HAPLN1: variants seen among roughly 807,000 people sequenced by gnomAD.
HAPLN1 encodes Cartilage link protein.
Under a neutral mutation model 36.5 loss-of-function variants are expected in HAPLN1, and 13 were observed. That is an observed-to-expected ratio of 0.36 (90% CI 0.23 to 0.57). The LOEUF is 0.57. HAPLN1 is among the 20% of genes least tolerant of loss of function. The pLI is 0.83. For synonymous variants in HAPLN1, 202 were observed against 169.8 expected (o/e 1.19, Z -1.48); for missense variants, 407 against 439.7 (o/e 0.93, Z 0.66).
At chr5:83,712,209 T>G (rs565860702) in intron 1 of HAPLN1, among the ~76,000 whole-genome samples, 16 of 152,282 alleles carry the variant, frequency 1.1e-4, no homozygotes, top group African/African-American at 3.1e-4. Flanking sequence ...AAGCACAATA[T>G]AACATGTAAT....
intron 1 of HAPLN1, among the ~76,000 whole-genome samples, chr5:83,720,576 C>T (rs908465368): frequency 6.6e-5 from 10 of 152,212 alleles, no homozygotes; most frequent in Non-Finnish European, 8.8e-5. Context: ...CATTTTTAGA[C>T]TGAGCCTGTT....
intron 3 of HAPLN1, among the ~76,000 whole-genome samples, chr5:83,649,762 A>G (rs12523564): frequency 0.15 from 22,785 of 152,160 alleles, 2,180 homozygotes; most frequent in Non-Finnish European, 0.21. Context: ...TCTCTTTCTT[A>G]AGAATGGTTT....
intron 1 of HAPLN1, among the ~76,000 whole-genome samples, chr5:83,718,153 G>A (rs1201037826): frequency 1.1e-4 from 16 of 152,122 alleles, no homozygotes; most frequent in South Asian, 2.1e-4. Flanking sequence ...TTGTGGAGGC[G>A]GAAAGTTAAT....
intron 1 of HAPLN1, among the ~76,000 whole-genome samples, chr5:83,715,800 G>A (rs1751902391): frequency 6.6e-6 from 1 of 152,122 alleles, no homozygotes. Context: ...GCACACAAGG[G>A]AAAATAATTT....
chr5:83,710,261 A>C (rs2112637749), intron 1 of HAPLN1, among the ~76,000 whole-genome samples: 1 of 152,308 alleles, frequency 6.6e-6, no homozygotes, highest in Admixed American at 6.5e-5. Context: ...AACAGCCAAG[A>C]GGCCGGTAGA....
chr5:83,713,789 C>G (rs1024110403), intron 1 of HAPLN1, among the ~76,000 whole-genome samples: 3 of 152,198 alleles, frequency 2.0e-5, no homozygotes, highest in Non-Finnish European at 4.4e-5. Flanking sequence ...TCAGACTTCT[C>G]GTCCACATCC....
Position 83,709,433 on chromosome 5 carries a change from C to T in HAPLN1, c.-27+11356G>A, listed in dbSNP as rs540645085. 3.3e-5 allele frequency among the ~76,000 whole-genome samples: 5 copies of T among 152,130 alleles called. No individual in the cohort carries two copies. In the South Asian group the frequency reaches 6.2e-4, roughly 19 times the overall value. On this transcript the variant is annotated intron_variant, in intron 1 of 4. Transcript: ENST00000274341. The stretch of plus-strand genomic sequence containing the variant: ...TTCTGTTTTACTATCTTGGCTTTTT[C>T]GGTCATTGAATCCTGTCAGCTAGTA...
At chr5:83,673,670 C>A in intron 1 of HAPLN1, 121 bp from the exon 2 acceptor site, 1 of 642,596 alleles carries the variant, frequency 1.6e-6, no homozygotes, top group South Asian at 1.9e-5. Flanking sequence ...TTAACCCAAT[C>A]TGTTCAGAAA....
At chr5:83,678,015 T>C (rs1750899567) in intron 1 of HAPLN1, among the ~76,000 whole-genome samples, 1 of 152,122 alleles carries the variant, frequency 6.6e-6, no homozygotes, top group Non-Finnish European at 1.5e-5. Flanking sequence ...CAGCCATCAG[T>C]ATTTAGCAGT....
At chr5:83,708,257 C>T (rs952987255) in intron 1 of HAPLN1, among the ~76,000 whole-genome samples, 1 of 152,190 alleles carries the variant, frequency 6.6e-6, no homozygotes, top group African/African-American at 2.4e-5. Flanking sequence ...AAGATACCTG[C>T]ACACGTATAT....
chr5:83,715,702 G>A (rs1344843859), intron 1 of HAPLN1, among the ~76,000 whole-genome samples: 1 of 152,130 alleles, frequency 6.6e-6, no homozygotes, highest in Non-Finnish European at 1.5e-5. Context: ...GTCCTCTTGG[G>A]GTTTTGGAGT....
chr5:83,701,036 A>G (rs1751496942), intron 1 of HAPLN1, among the ~76,000 whole-genome samples: 1 of 152,200 alleles, frequency 6.6e-6, no homozygotes, highest in Non-Finnish European at 1.5e-5. Context: ...GTTTACTTTC[A>G]AGTGATGTTA....
At chr5:83,689,861 A>G (rs764167434) in intron 1 of HAPLN1, among the ~76,000 whole-genome samples, 2 of 152,108 alleles carry the variant, frequency 1.3e-5, no homozygotes, top group Non-Finnish European at 2.9e-5. Context: ...ATAAACTTAA[A>G]ATTTTTTCAT....
intron 1 of HAPLN1, among the ~76,000 whole-genome samples, chr5:83,710,930 G>A (rs981850506): frequency 2.0e-5 from 3 of 151,874 alleles, no homozygotes; most frequent in South Asian, 4.1e-4. Flanking sequence ...CAGCCTGGGC[G>A]ACAGAGAGAG....
chr5:83,673,637 A>G, intron 1 of HAPLN1, 88 bp from the exon 2 acceptor site: 2 of 742,366 alleles, frequency 2.7e-6, no homozygotes, highest in South Asian at 1.6e-5. Flanking sequence ...CCTTATCATC[A>G]TAGAATGGGT....
intron 1 of HAPLN1, among the ~76,000 whole-genome samples, chr5:83,717,420 G>A (rs1163655171): frequency 1.3e-5 from 2 of 152,070 alleles, no homozygotes; most frequent in East Asian, 1.9e-4. Flanking sequence ...TTCCACAACA[G>A]CACGCCTAAC....
intron 1 of HAPLN1, among the ~76,000 whole-genome samples, chr5:83,689,222 C>T (rs569029898): frequency 2.0e-5 from 3 of 152,090 alleles, no homozygotes; most frequent in Non-Finnish European, 2.9e-5. Context: ...GGGTGAGGAG[C>T]GTTAGGGATC....
rs144728147 is a variant in HAPLN1 at position 83,639,953 on chromosome 5, G to T, written c.*1543C>A. The T allele has an allele frequency of 3.3e-3, 495 of 152,076 alleles. 4 individuals are homozygous for T. The highest frequency in any genetic ancestry group is 0.011 in the African/African-American group (472 of 41,484). 9.4% of individuals were successfully genotyped at this position (152,076 alleles called of 1,614,324 possible). A position where few individuals can be genotyped will look rare whatever the true frequency, so the allele number is the denominator to read the frequency against. ...AGAACTCTATAGAGTAAATTTATTA[G>T]AATTATTACAGAGCTTTAAATGCAA... is the stretch of plus-strand genomic sequence containing the variant. On this transcript the variant is annotated 3_prime_UTR_variant, in exon 5 of 5. Coordinates refer to ENST00000274341, the MANE Select transcript of HAPLN1 (RefSeq NM_001884.4).
At chr5:83,704,609 T>C (rs2112632550) in intron 1 of HAPLN1, among the ~76,000 whole-genome samples, 1 of 152,228 alleles carries the variant, frequency 6.6e-6, no homozygotes, top group African/African-American at 2.4e-5. Flanking sequence ...GCAATCCTAA[T>C]TTTGGAACAA....
Sources: gnomAD v4.1 joint callset for allele counts (sites outside exome capture counted in the v4.1 genomes callset) on GRCh38, gnomAD v4.1.1 for gene constraint, MANE v1.5 for transcripts, NCBI Gene and HGNC (gene_info 2026-07-23, HGNC 2026-07-21) for gene names.